TNRC18: variants seen among roughly 807,000 people sequenced by gnomAD.
The protein encoded by TNRC18 is trinucleotide repeat containing 18.
Under a neutral mutation model 226.7 loss-of-function variants are expected in TNRC18, and 69 were observed. That is an observed-to-expected ratio of 0.30 (90% CI 0.25 to 0.37). The LOEUF is 0.37. Among genes scored for constraint, TNRC18 ranks in the 10% least tolerant of loss-of-function variants. TNRC18 has a pLI of 1.00. For missense variants in TNRC18, 4,754 were observed against 4,256.6 expected, an observed-to-expected ratio of 1.12 and a Z score of -3.25; for synonymous variants, 2,449 against 1,927.6, an observed-to-expected ratio of 1.27 and a Z score of -7.09.
rs772749185 is a variant in TNRC18 at position 5,387,861 on chromosome 7, G to A, written c.1963C>T (p.Pro655Ser). The A allele has an allele frequency of 4.4e-6, 7 of 1,599,508 alleles. No homozygotes were observed. The East Asian group carries it at 1.3e-4, about 31-fold the overall frequency. Residue 655 changes from proline (P) to serine (S), a missense_variant, in exon 5 of 30, where the codon CCC becomes TCC. Coordinates refer to ENST00000430969, the MANE Select transcript of TNRC18 (RefSeq NM_001080495.3). ...AGGGRQLKRD[P>S]ERPESAKAFG... ...GCTTTGGCGCTCTCGGGCCTCTCGG[G>A]GTCCCGCTTCAGCTGCCGGCCGCCG...
In TNRC18 at chr7:5,377,659, G is replaced by T. The variant is rs1044238898; in HGVS notation, c.2256-83C>A. 3 of 1,405,384 alleles carry T rather than the reference G, an allele frequency of 2.1e-6. No individual in the cohort carries two copies. Among genetic ancestry groups the T allele is most frequent in the African/African-American group, 1.4e-5 (1 of 70,006 alleles). 87.1% of individuals were successfully genotyped at this position (1,405,384 alleles called of 1,614,324 possible). A position where few individuals can be genotyped will look rare whatever the true frequency, so the allele number is the denominator to read the frequency against. ...AGAAGCGGGGTTGCCCCAAGGAACT[G>T]TTTGCCACCAGGCCATGAGTCAGGA... On this transcript the variant is annotated intron_variant, in intron 6 of 29. Transcript: ENST00000430969. This position sits in a 1 kb window ranked among gnomAD's most constrained non-coding sequence, Gnocchi z 5.8.
rs1032370749 is a variant in TNRC18 at position 5,394,697 on chromosome 7, C to T, written c.188-102G>A. The T allele has an allele frequency of 2.3e-6, 2 of 874,700 alleles. No individual in the cohort carries two copies. The highest frequency in any genetic ancestry group is 3.5e-6 in the Non-Finnish European group (2 of 570,114). 54.2% of individuals were successfully genotyped at this position (874,700 alleles called of 1,614,324 possible). On this transcript the variant is annotated intron_variant, in intron 2 of 29. Transcript: ENST00000430969. This position sits in a 1 kb window ranked among gnomAD's most constrained non-coding sequence, Gnocchi z 4.5. ...ACCGCCCCGAGACCGCCGCCTCTCC[C>T]CAGCTGTGTGGAGCTGATGCTGGCC...
At position 5,377,958 on chromosome 7, in the gene TNRC18, C is replaced by A. The variant is rs756465468; in HGVS notation, c.2219G>T (p.Gly740Val). The part of the protein sequence containing the change: ...RARHREERLL[G>V]ARLDRDQEKL... ...CTCCTGATCCCGGTCCAGCCGTGCCCCGAGCAGCCGTTCCTCCCGGTGTCT... is the reference window on the plus strand; with the variant it reads ...CTCCTGATCCCGGTCCAGCCGTGCCACGAGCAGCCGTTCCTCCCGGTGTCT... The change falls in exon 6 of 30, where the codon GGG (glycine) becomes GTG (valine). Residue 740 changes from glycine (G) to valine (V), a missense_variant. Physicochemically the swap from Gly to Val is moderately radical, Grantham distance 109 (BLOSUM62 -3). Transcript: ENST00000430969. The surrounding 1 kb of genome is among the most constrained non-coding windows in gnomAD (Gnocchi z 5.8). 1.2e-6 allele frequency: 2 copies of A among 1,613,662 alleles called. 1 individual carries two copies. Among genetic ancestry groups the A allele is most frequent in the Non-Finnish European group, 1.7e-6 (2 of 1,179,828 alleles).
intron 5 of TNRC18, among the ~76,000 whole-genome samples, chr7:5,383,344 G>A (rs183996873): frequency 6.6e-6 from 1 of 152,152 alleles, no homozygotes; most frequent in African/African-American, 2.4e-5. Context: ...TGTGAGAACA[G>A]GAAGACCCAG....
intron 22 of TNRC18, 96 bp from the exon 23 acceptor site, chr7:5,320,703 A>C: frequency 1.0e-6 from 1 of 992,322 alleles, no homozygotes; most frequent in East Asian, 2.6e-5. Context: ...GACCACTGGG[A>C]GGTAACACCA....
intron 17 of TNRC18, among the ~76,000 whole-genome samples, chr7:5,346,335 C>T (rs994920917): frequency 2.0e-5 from 3 of 152,274 alleles, no homozygotes; most frequent in East Asian, 3.9e-4. Context: ...AGTTCGGACT[C>T]TTCCTGGGGG....
Position 5,377,910 on chromosome 7 carries a change from C to T in TNRC18, c.2255+12G>A, listed in dbSNP as rs565248272. ...TACCCCCTAGACCCTCAGGATCCCCCGACACCCTCACCTGAGCAGCTTCTC... is the reference window on the plus strand; with the variant it reads ...TACCCCCTAGACCCTCAGGATCCCCTGACACCCTCACCTGAGCAGCTTCTC... On this transcript the variant is annotated intron_variant, in intron 6 of 29. Coordinates refer to ENST00000430969, the MANE Select transcript of TNRC18 (RefSeq NM_001080495.3). This position sits in a 1 kb window ranked among gnomAD's most constrained non-coding sequence, Gnocchi z 5.8. 32 of 1,612,846 alleles carry T rather than the reference C, an allele frequency of 2.0e-5. No individual in the cohort carries two copies. Among genetic ancestry groups the T allele is most frequent in the South Asian group, 9.9e-5 (9 of 91,000 alleles).
intron 17 of TNRC18, among the ~76,000 whole-genome samples, chr7:5,347,343 C>CA (rs1167741717): frequency 6.7e-6 from 1 of 150,006 alleles, no homozygotes; most frequent in Non-Finnish European, 1.5e-5. Flanking sequence ...CCCACCACCA[C>CA]ACCAGGCTAA....
rs1010830006 is a variant in TNRC18 at position 5,394,719 on chromosome 7, G to A, written c.188-124C>T. The A allele has an allele frequency of 2.7e-6, 2 of 738,516 alleles. No individual in the cohort carries two copies. Among genetic ancestry groups the A allele is most frequent in the African/African-American group, 1.9e-5 (1 of 53,106 alleles). The allele number at this position is 738,516 out of a possible 1,614,324, so 45.7% of individuals were successfully genotyped here. On this transcript the variant is annotated intron_variant, in intron 2 of 29. Coordinates refer to ENST00000430969, the MANE Select transcript of TNRC18 (RefSeq NM_001080495.3). The surrounding 1 kb of genome is among the most constrained non-coding windows in gnomAD (Gnocchi z 4.5). ...TCCCCAGCTGTGTGGAGCTGATGCT[G>A]GCCAGGAGACCAAAGAGGGTTCCCC...
In TNRC18 at chr7:5,351,926, A is replaced by T. The variant is rs768389111; in HGVS notation, c.5363T>A (p.Leu1788Gln). ...CCTGCTGGTGGCCGGCTTGGGTTTC[A>T]GAGTCCGGGGGGCCGCCAGGCCCCT... is the stretch of plus-strand genomic sequence containing the variant. ...TKRGLAAPRT[L>Q]KPKPATSRKQ... Residue 1788 changes from leucine (L) to glutamine (Q), a missense_variant, in exon 17 of 30, where the codon CTG (leucine) becomes CAG (glutamine). Leu to Gln is a moderately radical substitution (Grantham distance 113). Coordinates refer to ENST00000430969, the MANE Select transcript of TNRC18 (RefSeq NM_001080495.3). 5 of 1,613,766 alleles carry T rather than the reference A, an allele frequency of 3.1e-6. No individual in the cohort carries two copies. In the Admixed American group the frequency reaches 8.3e-5, roughly 27 times the overall value.
intron 2 of TNRC18, among the ~76,000 whole-genome samples, chr7:5,406,680 G>A (rs376119845): frequency 1.3e-3 from 193 of 151,744 alleles, no homozygotes; most frequent in South Asian, 9.6e-3. Flanking sequence ...GTGAAACCCC[G>A]TCTCTACTAA....
Position 5,307,544 on chromosome 7 carries a change from G to A in TNRC18, c.*562C>T, listed in dbSNP as rs762780080. ...CCGGGCTGCAACCCCACCCGGCTCT[G>A]TTCCCCAAGTCTAGGCCATCCTGAG... On this transcript the variant is annotated 3_prime_UTR_variant, in exon 30 of 30. Coordinates refer to ENST00000430969, the MANE Select transcript of TNRC18 (RefSeq NM_001080495.3). 2 of 450,046 alleles carry A rather than the reference G, an allele frequency of 4.4e-6. No homozygotes were observed. Among genetic ancestry groups the A allele is most frequent in the African/African-American group, 4.0e-5 (2 of 49,828 alleles). The allele number at this position is 450,046 out of a possible 1,614,324, so 27.9% of individuals were successfully genotyped here.
Position 5,377,332 on chromosome 7 carries a change from C to CCCCCCA in TNRC18, c.2461+38_2461+39insTGGGGG. 2.0e-6 allele frequency: 2 copies of CCCCCCA among 985,870 alleles called. No homozygotes were observed. The highest frequency in any genetic ancestry group is 3.0e-6 in the Non-Finnish European group (2 of 673,524). 61.1% of individuals were successfully genotyped at this position (985,870 alleles called of 1,614,324 possible). ...CCTGCACCCGCCCCCTCCCACCCCT[C>CCCCCCA]CCTCAGAGAAGGGGAGAGACCCTGT... On this transcript the variant is annotated intron_variant, in intron 7 of 29. Transcript: ENST00000430969. The surrounding 1 kb of genome is among the most constrained non-coding windows in gnomAD (Gnocchi z 5.8).
At chr7:5,353,686 C>A (rs755108513) in intron 16 of TNRC18, among the ~76,000 whole-genome samples, 2 of 152,176 alleles carry the variant, frequency 1.3e-5, no homozygotes, top group African/African-American at 2.4e-5. Context: ...GCTGGACACA[C>A]CCCTACCTCC....
intron 16 of TNRC18, 135 bp downstream of exon 16, chr7:5,356,781 C>A (rs1189900951): frequency 3.1e-6 from 4 of 1,289,468 alleles, no homozygotes; most frequent in South Asian, 3.3e-5. Flanking sequence ...AGCTCAGGCA[C>A]TGTAGTGCGC....
chr7:5,420,891 T>G (rs868695113), intron 2 of TNRC18, 169 bp downstream of exon 2: 2 of 786,294 alleles, frequency 2.5e-6, no homozygotes, highest in Non-Finnish European at 4.0e-6. Context: ...CTCCACCGCC[T>G]TGGCTCCGGG....
At chr7:5,311,708 C>T (rs1388711278) in intron 27 of TNRC18, among the ~76,000 whole-genome samples, 1 of 151,922 alleles carries the variant, frequency 6.6e-6, no homozygotes, top group African/African-American at 2.4e-5. Context: ...ATCCCAGCTA[C>T]TCAGGAGGCT....
chr7:5,342,307 T>C (rs770586273), intron 18 of TNRC18, among the ~76,000 whole-genome samples: 5 of 151,964 alleles, frequency 3.3e-5, no homozygotes, highest in Admixed American at 6.6e-5. Context: ...CGGGCACTTG[T>C]AATTCCAGCT....
intron 3 of TNRC18, among the ~76,000 whole-genome samples, chr7:5,392,511 G>A (rs980199155): frequency 6.6e-6 from 1 of 152,220 alleles, no homozygotes; most frequent in African/African-American, 2.4e-5. Flanking sequence ...CTACTCAGGA[G>A]GCTGAGGCAG....
Sources: gnomAD v4.1 joint callset for allele counts (sites outside exome capture counted in the v4.1 genomes callset) on GRCh38, gnomAD v4.1.1 for gene constraint, Gnocchi (gnomAD v3.1) non-coding constraint, MANE v1.5 for transcripts, NCBI Gene and HGNC (gene_info 2026-07-23, HGNC 2026-07-21) for gene names.